Variants in IFFO2 observed in about 807,000 individuals in gnomAD.
The protein encoded by IFFO2 is intermediate filament family orphan 2.
Under a neutral mutation model 53.5 loss-of-function variants are expected in IFFO2, and 19 were observed. The observed-to-expected ratio is 0.36, with a 90% CI of 0.25 to 0.52. IFFO2 has a LOEUF of 0.52. Ranked by LOEUF, IFFO2 falls within the 20% of genes least tolerant of loss-of-function variation. The pLI is 0.94. For missense variants in IFFO2, 570 were observed against 727.4 expected, an observed-to-expected ratio of 0.78 and a Z score of 2.49; for synonymous variants, 303 against 313.6, an observed-to-expected ratio of 0.97 and a Z score of 0.36.
chr1:18,951,472 CT>C (rs1387883994), intron 1 of IFFO2, among the ~76,000 whole-genome samples: 1 of 152,222 alleles, frequency 6.6e-6, no homozygotes, highest in Non-Finnish European at 1.5e-5. Flanking sequence ...GGCCAGCCAG[CT>C]GCAAATCACA....
At chr1:18,909,584 T>TTC (rs762127807) in intron 8 of IFFO2, among the ~76,000 whole-genome samples, 1 of 152,190 alleles carries the variant, frequency 6.6e-6, no homozygotes, top group Middle Eastern at 3.2e-3. Context: ...AGGGAGTTAG[T>TTC]TCTCACGAGA....
intron 1 of IFFO2, among the ~76,000 whole-genome samples, chr1:18,926,086 A>T (rs1385267678): frequency 9.9e-6 from 1 of 101,366 alleles, no homozygotes; most frequent in African/African-American, 4.2e-5. Context: ...GGATGGATGG[A>T]TGGATGGATG....
At position 18,911,991 on chromosome 1, in the gene IFFO2, C is replaced by G. The variant is rs1017825428; in HGVS notation, c.1196G>C (p.Cys399Ser). 30 of 1,551,618 alleles carry G rather than the reference C, an allele frequency of 1.9e-5. No individual in the cohort carries two copies. The highest frequency in any genetic ancestry group is 3.3e-4 in the Middle Eastern group (2 of 6,014). Residue 399 changes from cysteine (C) to serine (S), a missense_variant, in exon 6 of 9, where the codon TGC (cysteine) becomes TCC (serine). By Grantham distance (112) the Cys-to-Ser change is moderately radical (BLOSUM62 -1). Coordinates refer to ENST00000455833, the MANE Select transcript of IFFO2 (RefSeq NM_001136265.2). ...TLLLWEDFTN[C>S]NPTIDLQGEQ... Reference sequence around the variant, plus strand: ...GCCCTGCAGGTCGATGGTCGGATTGCAGTTGGTGAAATCCTCCCAGAGCAG... The same window carrying G: ...GCCCTGCAGGTCGATGGTCGGATTGGAGTTGGTGAAATCCTCCCAGAGCAG...
chr1:18,950,908 T>G lies in IFFO2; in HGVS notation c.665+4760A>C, dbSNP rs1028565725. ...AGTCCCTCCCATCCCAGAAAGTGGC[T>G]TTTTAAAAAAATGTTTAAAACAGAC... On this transcript the variant is annotated intron_variant, in intron 1 of 8. Coordinates refer to ENST00000455833, the MANE Select transcript of IFFO2 (RefSeq NM_001136265.2). Among the ~76,000 whole-genome samples, 3 of 152,318 alleles carry G rather than the reference T, an allele frequency of 2.0e-5. No homozygotes were observed. The East Asian group carries it at 5.8e-4, about 29-fold the overall frequency.
In IFFO2 at chr1:18,949,320, T is replaced by A. The variant is rs11488725; in HGVS notation, c.665+6348A>T. Among the ~76,000 whole-genome samples the A allele has an allele frequency of 4.9e-3, 740 of 152,290 alleles. 7 individuals are homozygous for A. Among genetic ancestry groups the A allele is most frequent in the African/African-American group, 0.017 (689 of 41,572 alleles). On this transcript the variant is annotated intron_variant, in intron 1 of 8. Transcript: ENST00000455833. Reference sequence around the variant, plus strand: ...GAGCCGGCCCCCACAGAGCTTCCAGTCGATGCAGGGGCAGACACATGCCAG... The same window carrying A: ...GAGCCGGCCCCCACAGAGCTTCCAGACGATGCAGGGGCAGACACATGCCAG...
chr1:18,915,885 G>A (rs1172810263), intron 5 of IFFO2, among the ~76,000 whole-genome samples: 1 of 152,162 alleles, frequency 6.6e-6, no homozygotes, highest in Non-Finnish European at 1.5e-5. Context: ...AGCACTTTGG[G>A]AGGCAGAGGT....
chr1:18,923,644 A>G (rs1936244628), intron 1 of IFFO2, among the ~76,000 whole-genome samples: 1 of 152,204 alleles, frequency 6.6e-6, no homozygotes. Flanking sequence ...AGGTAAAGTA[A>G]CTTGTCTAAG....
At position 18,955,825 on chromosome 1, in the gene IFFO2, T is replaced by C. The variant is rs1278098972; in HGVS notation, c.508A>G (p.Thr170Ala). 1 of 1,517,004 alleles carries C rather than the reference T, an allele frequency of 6.6e-7. No individual in the cohort carries two copies. Among genetic ancestry groups the C allele is most frequent in the Non-Finnish European group, 8.8e-7 (1 of 1,139,872 alleles). 94.0% of individuals were successfully genotyped at this position (1,517,004 alleles called of 1,614,324 possible). A position where few individuals can be genotyped will look rare whatever the true frequency, so the allele number is the denominator to read the frequency against. The change falls in exon 1 of 9, where the codon ACG (threonine) becomes GCG (alanine). Residue 170 changes from threonine to alanine, a missense_variant. Thr to Ala is a moderately conservative substitution (Grantham distance 58). Transcript: ENST00000455833. The part of the protein sequence containing the change: ...TIWSYTQVRR[T>A]GGGGVETVQG... ...ACGGTCTCCACGCCGCCGCCGCCCG[T>C]GCGCCGCACCTGCGTGTAGCTCCAG...
rs1475152883 is a variant in IFFO2, at chr1:18,921,020, C to T, written c.726+41G>A. ...CTGTGCCCCTTGGCCACATGGCTCT[C>T]TGGCGTGCCTCTCCTGGTCGGGATA... On this transcript the variant is annotated intron_variant, in intron 2 of 8. Coordinates refer to ENST00000455833, the MANE Select transcript of IFFO2 (RefSeq NM_001136265.2). The T allele has an allele frequency of 1.9e-6, 3 of 1,538,588 alleles. No individual in the cohort carries two copies. The East Asian group carries it at 7.3e-5, about 38-fold the overall frequency.
chr1:18,923,819 G>T (rs1035738849), intron 1 of IFFO2, among the ~76,000 whole-genome samples: 3 of 152,154 alleles, frequency 2.0e-5, no homozygotes, highest in African/African-American at 4.8e-5. Flanking sequence ...CAGTGATGCT[G>T]GGCTACAGAT....
intron 1 of IFFO2, among the ~76,000 whole-genome samples, chr1:18,940,679 G>A (rs984774874): frequency 2.0e-5 from 3 of 152,180 alleles, no homozygotes; most frequent in Non-Finnish European, 4.4e-5. Flanking sequence ...AAGAGCAGAA[G>A]GTCCTAGGTG....
At position 18,916,584 on chromosome 1, in the gene IFFO2, A is replaced by C. The variant is rs1936135566; in HGVS notation, c.1103+319T>G. On this transcript the variant is annotated intron_variant, in intron 5 of 8. Transcript: ENST00000455833. This position sits in a 1 kb window ranked among gnomAD's most constrained non-coding sequence, Gnocchi z 4.3. The stretch of plus-strand genomic sequence containing the variant: ...AATTTGAGACCAGCCTGGGCAACAC[A>C]GTGAGACCCTGTCTCTACAAAAAAA... Among the ~76,000 whole-genome samples the C allele has an allele frequency of 6.6e-6, 1 of 152,194 alleles. No individual in the cohort carries two copies. Among genetic ancestry groups the C allele is most frequent in the Admixed American group, 6.5e-5 (1 of 15,284 alleles).
intron 1 of IFFO2, among the ~76,000 whole-genome samples, chr1:18,934,991 T>G (rs1309982051): frequency 6.6e-6 from 1 of 152,158 alleles, no homozygotes; most frequent in Non-Finnish European, 1.5e-5. Flanking sequence ...AGTGTGCAGA[T>G]GTAGAAAAGG....
At chr1:18,921,230 G>T (rs1374838324) in intron 1 of IFFO2, 109 bp from the exon 2 acceptor site, 12 of 983,124 alleles carry the variant, frequency 1.2e-5, no homozygotes, top group Non-Finnish European at 1.9e-5. Context: ...GCTGGGCAAG[G>T]AAGGTGCATT....
At chr1:18,910,161 C>T (rs902647651) in intron 8 of IFFO2, among the ~76,000 whole-genome samples, 181 bp downstream of exon 8, 2 of 152,120 alleles carry the variant, frequency 1.3e-5, no homozygotes, top group African/African-American at 4.8e-5. Context: ...TGTAAGGCAT[C>T]TGGCACATAG....
At chr1:18,911,888 G>T in intron 6 of IFFO2, 75 bp downstream of exon 6, 1 of 1,517,942 alleles carries the variant, frequency 6.6e-7, no homozygotes, top group Non-Finnish European at 8.9e-7. Flanking sequence ...AAATAACAGG[G>T]ATGAGGGACC....
At chr1:18,912,429 A>T (rs971493844) in intron 5 of IFFO2, among the ~76,000 whole-genome samples, 2 of 152,108 alleles carry the variant, frequency 1.3e-5, no homozygotes, top group African/African-American at 4.8e-5. Flanking sequence ...TTTGAGTGAG[A>T]TGTTCAATAT....
chr1:18,942,085 G>A (rs1432404052), intron 1 of IFFO2, among the ~76,000 whole-genome samples: 3 of 152,234 alleles, frequency 2.0e-5, no homozygotes, highest in Non-Finnish European at 4.4e-5. Context: ...GCCAAAGCGG[G>A]AGGGAGCAGG....
chr1:18,907,204 G>A lies in IFFO2; in HGVS notation c.*1357C>T, dbSNP rs1935961888. ...AAAAAATAATAATAAAGCAAAGCCT[G>A]CTCAGCTGGCTCCAAGCTGAGATTT... On this transcript the variant is annotated 3_prime_UTR_variant, in exon 9 of 9. Coordinates refer to ENST00000455833, the MANE Select transcript of IFFO2 (RefSeq NM_001136265.2). 6.6e-6 allele frequency: 1 copy of A among 152,212 alleles called. No individual in the cohort carries two copies. Among genetic ancestry groups the A allele is most frequent in the South Asian group, 2.1e-4 (1 of 4,826 alleles). 9.4% of individuals were successfully genotyped at this position (152,212 alleles called of 1,614,324 possible).
Sources: allele counts gnomAD v4.1 joint callset (sites outside exome capture counted in the v4.1 genomes callset), GRCh38; gene constraint gnomAD v4.1.1; non-coding constraint Gnocchi (gnomAD v3.1); transcripts MANE v1.5; gene names NCBI Gene and HGNC (gene_info 2026-07-23, HGNC 2026-07-21).